Variants in SDK1 observed in about 807,000 individuals in gnomAD.
SDK1 encodes sidekick cell adhesion molecule 1.
In SDK1, 157 loss-of-function variants were observed where a neutral mutation model predicts 245.5. The ratio of observed to expected loss-of-function variants is 0.64; its 90% CI spans 0.56 to 0.73. The LOEUF is 0.73. Among genes scored for constraint, SDK1 ranks in the 30% least tolerant of loss-of-function variants. The pLI, the probability that SDK1 is intolerant of heterozygous loss-of-function variation, is 0.00. For synonymous variants in SDK1, 1,647 were observed against 1,278.5 expected, an observed-to-expected ratio of 1.29 and a Z score of -6.15; for missense variants, 3,583 against 3,002.3, an observed-to-expected ratio of 1.19 and a Z score of -4.52.
intron 16 of SDK1, among the ~76,000 whole-genome samples, chr7:4,012,721 G>T (rs1199405909): frequency 6.6e-6 from 1 of 151,596 alleles, no homozygotes; most frequent in East Asian, 1.9e-4. Context: ...TTACAGGCAT[G>T]TGCCACCACA....
chr7:3,552,450 G>A (rs1480401452), intron 1 of SDK1, among the ~76,000 whole-genome samples: 1 of 152,130 alleles, frequency 6.6e-6, no homozygotes, highest in African/African-American at 2.4e-5. Context: ...GAGGCTACTA[G>A]TTTCTCACCT....
chr7:3,584,216 G>C (rs958762219), intron 1 of SDK1, among the ~76,000 whole-genome samples: 1 of 152,152 alleles, frequency 6.6e-6, no homozygotes, highest in Non-Finnish European at 1.5e-5. Context: ...AATATGCTTT[G>C]TGACTGTAGG....
intron 19 of SDK1, among the ~76,000 whole-genome samples, chr7:4,062,513 A>G (rs1397051473): frequency 3.9e-5 from 6 of 152,192 alleles, no homozygotes; most frequent in Non-Finnish European, 7.3e-5. Flanking sequence ...TTCACTGACA[A>G]ATTCTACCAT....
intron 5 of SDK1, among the ~76,000 whole-genome samples, chr7:3,835,251 T>C (rs1387097608): frequency 1.3e-5 from 2 of 152,206 alleles, no homozygotes; most frequent in South Asian, 2.1e-4. Flanking sequence ...TGCCCGAAGA[T>C]AGAAGGCGTG....
intron 5 of SDK1, among the ~76,000 whole-genome samples, chr7:3,908,661 T>G (rs1483142633): frequency 6.6e-6 from 1 of 152,156 alleles, no homozygotes. Flanking sequence ...TCCTGATAAT[T>G]GTCTTTTCCT....
intron 13 of SDK1, among the ~76,000 whole-genome samples, chr7:3,979,199 A>G (rs1456808320): frequency 6.6e-6 from 1 of 152,180 alleles, no homozygotes; most frequent in Non-Finnish European, 1.5e-5. Context: ...GCATGGTATC[A>G]TTCATCTCAA....
intron 5 of SDK1, among the ~76,000 whole-genome samples, chr7:3,848,039 GCACATA>G (rs1032671543): frequency 2.0e-5 from 3 of 152,144 alleles, no homozygotes; most frequent in African/African-American, 7.2e-5. Context: ...ATGTGCACAA[GCACATA>G]CACATACAAA....
At position 4,197,569 on chromosome 7, in the gene SDK1, C is replaced by T. The variant is rs778414279; in HGVS notation, c.5099-8310C>T. Among the ~76,000 whole-genome samples the T allele has an allele frequency of 7.2e-5, 11 of 152,312 alleles. No individual in the cohort carries two copies. The South Asian group carries it at 1.5e-3, about 20-fold the overall frequency. ...TCGCGGTCAAGGCCTAATAGCCAGCCGGGCTGGGCTCGTGTGAGGCTGTAA... is the reference window on the plus strand; with the variant it reads ...TCGCGGTCAAGGCCTAATAGCCAGCTGGGCTGGGCTCGTGTGAGGCTGTAA... On this transcript the variant is annotated intron_variant, in intron 35 of 44. Coordinates refer to ENST00000404826, the MANE Select transcript of SDK1 (RefSeq NM_152744.4).
chr7:4,100,865 G>A (rs1782491648), intron 22 of SDK1, among the ~76,000 whole-genome samples: 1 of 152,150 alleles, frequency 6.6e-6, no homozygotes, highest in South Asian at 2.1e-4. Context: ...TGGATGAGCT[G>A]GGGGCCTGTG....
chr7:4,028,596 C>T (rs996365911), intron 17 of SDK1, among the ~76,000 whole-genome samples: 4 of 152,174 alleles, frequency 2.6e-5, no homozygotes, highest in African/African-American at 9.7e-5. Context: ...CCAAGGTGAA[C>T]CAGTGAAAAC....
chr7:3,384,511 T>G (rs1781562701), intron 1 of SDK1, among the ~76,000 whole-genome samples: 1 of 152,222 alleles, frequency 6.6e-6, no homozygotes, highest in Non-Finnish European at 1.5e-5. Flanking sequence ...CTAGAGCAAA[T>G]AAATCTAACG....
chr7:3,512,933 C>A (rs1425843055), intron 1 of SDK1, among the ~76,000 whole-genome samples: 1 of 151,926 alleles, frequency 6.6e-6, no homozygotes, highest in African/African-American at 2.4e-5. Flanking sequence ...AATTTTGGTT[C>A]TTTCTACCTT....
At chr7:3,528,176 G>A (rs1783213107) in intron 1 of SDK1, among the ~76,000 whole-genome samples, 1 of 146,992 alleles carries the variant, frequency 6.8e-6, no homozygotes, top group Non-Finnish European at 1.5e-5. Flanking sequence ...GCTAGGGGGT[G>A]AGTGGTGGGA....
chr7:4,245,459 C>T (rs2128239185), intron 43 of SDK1, among the ~76,000 whole-genome samples: 1 of 152,274 alleles, frequency 6.6e-6, no homozygotes, highest in Non-Finnish European at 1.5e-5. Context: ...GCAGGCCTAG[C>T]ACAGTCTCCA....
At chr7:3,392,805 G>C (rs903932368) in intron 1 of SDK1, among the ~76,000 whole-genome samples, 4 of 151,672 alleles carry the variant, frequency 2.6e-5, no homozygotes, top group African/African-American at 7.3e-5. Context: ...TTCCTTTTTT[G>C]GCTGAATAAT....
chr7:4,167,824 C>A (rs746650551), intron 32 of SDK1, among the ~76,000 whole-genome samples: 5 of 152,228 alleles, frequency 3.3e-5, no homozygotes, highest in Non-Finnish European at 5.9e-5. Context: ...GCCATCTGGC[C>A]AGACTTCTGC....
intron 35 of SDK1, among the ~76,000 whole-genome samples, chr7:4,200,052 G>C (rs992370649): frequency 2.6e-5 from 4 of 152,144 alleles, no homozygotes. Flanking sequence ...CCGAGACTGT[G>C]CCATTGCACT....
intron 44 of SDK1, among the ~76,000 whole-genome samples, chr7:4,259,092 C>T (rs773993002): frequency 2.6e-5 from 4 of 152,114 alleles, no homozygotes; most frequent in African/African-American, 4.8e-5. Context: ...TTAGTTTACG[C>T]AGAGCTTAAC....
Position 3,960,490 on chromosome 7 carries a change from C to T in SDK1, c.1234+1476C>T, listed in dbSNP as rs116227128. 4.5e-3 allele frequency among the ~76,000 whole-genome samples: 681 copies of T among 152,356 alleles called. 5 individuals are homozygous for T. The highest frequency in any genetic ancestry group is 0.016 in the African/African-American group (649 of 41,578). ...TTTCTTATTCCTGAAAATGGTGTGT[C>T]ACCCTTCCAGTGCTGTGCCACCCTT... On this transcript the variant is annotated intron_variant, in intron 8 of 44. Transcript: ENST00000404826.
Sources: gnomAD v4.1 joint callset for allele counts (sites outside exome capture counted in the v4.1 genomes callset) on GRCh38, gnomAD v4.1.1 for gene constraint, MANE v1.5 for transcripts, NCBI Gene and HGNC (gene_info 2026-07-23, HGNC 2026-07-21) for gene names.